EXOC2: variants seen among roughly 807,000 people sequenced by gnomAD.
EXOC2 encodes SEC5-like 1.
In EXOC2, 70 loss-of-function variants were observed where a neutral mutation model predicts 131.8. That is an observed-to-expected ratio of 0.53 (90% CI 0.44 to 0.65). EXOC2 has a LOEUF of 0.65. Ranked by LOEUF, EXOC2 falls within the 30% of genes least tolerant of loss-of-function variation. The pLI is 0.00. For synonymous variants in EXOC2, 411 were observed against 398.4 expected (o/e 1.03, Z -0.38); for missense variants, 923 against 1,108.6 (o/e 0.83, Z 2.38).
At chr6:575,115 T>C (rs894850471) in intron 12 of EXOC2, among the ~76,000 whole-genome samples, 28 of 152,250 alleles carry the variant, frequency 1.8e-4, no homozygotes, top group African/African-American at 6.5e-4. Flanking sequence ...CCCTCGTGAA[T>C]GGCTTGGTGT....
intron 12 of EXOC2, among the ~76,000 whole-genome samples, chr6:573,427 C>T (rs151246621): frequency 2.6e-5 from 4 of 152,260 alleles, no homozygotes; most frequent in Non-Finnish European, 5.9e-5. Context: ...GCACTCCACT[C>T]GGTGGCCATG....
At position 651,578 on chromosome 6, in the gene EXOC2, C is replaced by T. The variant is rs191779671; in HGVS notation, c.-43-13717G>A. Reference sequence around the variant, plus strand: ...CTGAGGTATGAGAATCACTTGAACCCGGAGGCCGAGGTTAGGGTAAGCCAA... The same window carrying T: ...CTGAGGTATGAGAATCACTTGAACCTGGAGGCCGAGGTTAGGGTAAGCCAA... On this transcript the variant is annotated intron_variant, in intron 1 of 27. Transcript: ENST00000230449. 1.3e-4 allele frequency among the ~76,000 whole-genome samples: 20 copies of T among 151,876 alleles called. 1 individual carries two copies. Among genetic ancestry groups the T allele is most frequent in the South Asian group, 1.2e-3 (6 of 4,816 alleles).
At chr6:499,968 A>C (rs968348927) in intron 23 of EXOC2, among the ~76,000 whole-genome samples, 1 of 152,120 alleles carries the variant, frequency 6.6e-6, no homozygotes, top group Non-Finnish European at 1.5e-5. Flanking sequence ...TCGGCCTCAA[A>C]ATGAAAATTT....
chr6:633,037 C>A lies in EXOC2; in HGVS notation c.199G>T (p.Ala67Ser). 6.2e-7 allele frequency: 1 copy of A among 1,614,128 alleles called. No homozygotes were observed. Among genetic ancestry groups the A allele is most frequent in the Non-Finnish European group, 8.5e-7 (1 of 1,180,006 alleles). ...ASKIVCRVGQ[A>S]KNDKGDIIVT... is the part of the protein sequence containing the mutation. ...ATAATGTCTCCTTTGTCATTTTTGG[C>A]TTGTCCCACTCGACATACTATTTTA... The change falls in exon 3 of 28, where the codon GCC (alanine) becomes TCC (serine). Residue 67 changes from alanine (A) to serine (S), a missense_variant. Ala to Ser is a moderately conservative substitution (Grantham distance 99). Coordinates refer to ENST00000230449, the MANE Select transcript of EXOC2 (RefSeq NM_018303.6).
At chr6:572,246 T>G (rs1758326539) in intron 13 of EXOC2, among the ~76,000 whole-genome samples, 1 of 152,136 alleles carries the variant, frequency 6.6e-6, no homozygotes, top group African/African-American at 2.4e-5. Flanking sequence ...CGAGCTTTCT[T>G]TTTTCTTTAA....
At chr6:552,516 T>C (rs1279185398) in intron 21 of EXOC2, among the ~76,000 whole-genome samples, 1 of 152,336 alleles carries the variant, frequency 6.6e-6, no homozygotes, top group South Asian at 2.1e-4. Flanking sequence ...TATATATTGC[T>C]TATATACTGC....
Position 486,029 on chromosome 6 carries a change from T to G in EXOC2, c.*642A>C, listed in dbSNP as rs1309591744. On this transcript the variant is annotated 3_prime_UTR_variant, in exon 28 of 28. Coordinates refer to ENST00000230449, the MANE Select transcript of EXOC2 (RefSeq NM_018303.6). The stretch of plus-strand genomic sequence containing the variant: ...GTGAGTGAGAATGAAAGCTCATGCT[T>G]AGCCCTGTGAAAAATAAAAATCAGA... 4 of 152,200 alleles carry G rather than the reference T, an allele frequency of 2.6e-5. No homozygotes were observed. The highest frequency in any genetic ancestry group is 9.7e-5 in the African/African-American group (4 of 41,442). 9.4% of individuals were successfully genotyped at this position (152,200 alleles called of 1,614,324 possible). A position where few individuals can be genotyped will look rare whatever the true frequency, so the allele number is the denominator to read the frequency against.
chr6:586,634 G>A (rs912114231), intron 11 of EXOC2, among the ~76,000 whole-genome samples: 3 of 152,214 alleles, frequency 2.0e-5, no homozygotes, highest in Non-Finnish European at 2.9e-5. Flanking sequence ...CCAGGGGAAC[G>A]CTCACCTGCT....
chr6:622,036 C>T (rs1036405612), intron 4 of EXOC2, among the ~76,000 whole-genome samples: 4 of 152,180 alleles, frequency 2.6e-5, no homozygotes, highest in Admixed American at 6.5e-5. Flanking sequence ...CTGCTCTAAC[C>T]GGCAGGCAGC....
At chr6:568,608 G>T (rs1758104917) in intron 13 of EXOC2, among the ~76,000 whole-genome samples, 1 of 152,128 alleles carries the variant, frequency 6.6e-6, no homozygotes, top group African/African-American at 2.4e-5. Flanking sequence ...CCTGATTCGT[G>T]GACGCTTGCT....
intron 5 of EXOC2, among the ~76,000 whole-genome samples, chr6:618,785 G>T (rs1287645173): frequency 2.0e-5 from 3 of 152,074 alleles, no homozygotes; most frequent in Non-Finnish European, 4.4e-5. Context: ...TTATATTAAG[G>T]TATATTTTAA....
At chr6:636,516 C>G (rs1298548923) in intron 2 of EXOC2, among the ~76,000 whole-genome samples, 1 of 152,200 alleles carries the variant, frequency 6.6e-6, no homozygotes, top group Admixed American at 6.5e-5. Context: ...AACTCAGTCA[C>G]TAAACACAGT....
rs1300103652 is a variant in EXOC2 at position 666,409 on chromosome 6, G to GA, written c.-44+26609dup. Among the ~76,000 whole-genome samples, 2 of 30,880 alleles carry GA rather than the reference G, an allele frequency of 6.5e-5. 1 individual carries two copies. Among genetic ancestry groups the GA allele is most frequent in the Non-Finnish European group, 2.0e-4 (2 of 10,134 alleles). The allele number at this position is 30,880 out of a possible 152,430, so 20.3% of individuals were successfully genotyped here. A position where few individuals can be genotyped will look rare whatever the true frequency, so the allele number is the denominator to read the frequency against. On this transcript the variant is annotated intron_variant, in intron 1 of 27. Coordinates refer to ENST00000230449, the MANE Select transcript of EXOC2 (RefSeq NM_018303.6). ...CAAATGTTACTTATGTTTACAACAG[G>GA]AATTTCAAAAACTGGTCAGCATCCC...
At chr6:502,389 G>C (rs960989454) in intron 23 of EXOC2, among the ~76,000 whole-genome samples, 2 of 152,082 alleles carry the variant, frequency 1.3e-5, no homozygotes, top group Admixed American at 6.5e-5. Flanking sequence ...AAAAGAGTGG[G>C]GGCAGAGTGC....
chr6:531,047 T>C (rs544624154), intron 23 of EXOC2, among the ~76,000 whole-genome samples: 4 of 152,342 alleles, frequency 2.6e-5, no homozygotes, highest in African/African-American at 9.6e-5. Flanking sequence ...TGGAATCTGG[T>C]ACCTGTGGGG....
intron 1 of EXOC2, among the ~76,000 whole-genome samples, chr6:649,983 T>C (rs1581627268): frequency 6.6e-6 from 1 of 152,238 alleles, no homozygotes; most frequent in East Asian, 1.9e-4. Flanking sequence ...TGTAAGACTT[T>C]ATTTTCATTG....
intron 25 of EXOC2, among the ~76,000 whole-genome samples, chr6:495,116 T>C (rs1250210215): frequency 7.0e-6 from 1 of 143,234 alleles, no homozygotes; most frequent in African/African-American, 2.5e-5. Flanking sequence ...CTCGAACCCA[T>C]GGTGAACATT....
At chr6:541,605 A>G (rs1010666088) in intron 22 of EXOC2, among the ~76,000 whole-genome samples, 4 of 135,082 alleles carry the variant, frequency 3.0e-5, no homozygotes, top group African/African-American at 1.0e-4. Context: ...GATAGTAAGT[A>G]CAAATAAGGA....
Sources: allele counts gnomAD v4.1 joint callset (sites outside exome capture counted in the v4.1 genomes callset), GRCh38; gene constraint gnomAD v4.1.1; transcripts MANE v1.5; gene names NCBI Gene and HGNC (gene_info 2026-07-23, HGNC 2026-07-21).